The following ZMAT4 variants were observed in gnomAD, a reference collection of about 807,000 sequenced individuals.
ZMAT4 encodes zinc finger matrin-type 4, also known as zinc finger matrin-type protein 4.
A neutral mutation model predicts 28.7 loss-of-function variants in ZMAT4; 17 were observed. The ratio of observed to expected loss-of-function variants is 0.59; its 90% CI spans 0.41 to 0.89. The LOEUF (loss-of-function observed/expected upper bound fraction) is 0.89, where lower values mean the gene tolerates loss of function less well. Ranked by LOEUF, ZMAT4 falls within the 40% of genes least tolerant of loss-of-function variation. ZMAT4 has a pLI of 0.00. For synonymous variants in ZMAT4, 117 were observed against 109.2 expected, an observed-to-expected ratio of 1.07 and a Z score of -0.44; for missense variants, 240 against 283.8, an observed-to-expected ratio of 0.85 and a Z score of 1.11.
intron 1 of ZMAT4, among the ~76,000 whole-genome samples, chr8:40,834,824 G>T (rs914641823): frequency 1.3e-5 from 2 of 152,220 alleles, no homozygotes; most frequent in African/African-American, 4.8e-5. Context: ...CTAACAGGGA[G>T]ACCAGGGATC....
intron 1 of ZMAT4, among the ~76,000 whole-genome samples, chr8:40,858,678 C>A (rs942608208): frequency 1.3e-5 from 2 of 152,136 alleles, no homozygotes; most frequent in African/African-American, 4.8e-5. Flanking sequence ...CCATACCCCT[C>A]GGTTCACAGG....
At chr8:40,575,017 T>G (rs1418285935) in intron 6 of ZMAT4, among the ~76,000 whole-genome samples, 1 of 152,198 alleles carries the variant, frequency 6.6e-6, no homozygotes, top group Non-Finnish European at 1.5e-5. Flanking sequence ...GGGGAGCTGA[T>G]AGCCACTGTG....
intron 2 of ZMAT4, among the ~76,000 whole-genome samples, chr8:40,780,848 T>C (rs563419125): frequency 6.6e-6 from 1 of 152,248 alleles, no homozygotes; most frequent in Non-Finnish European, 1.5e-5. Context: ...CACCCTCTCA[T>C]GACAAAAACA....
intron 3 of ZMAT4, 107 bp from the exon 4 acceptor site, chr8:40,697,508 C>A: frequency 8.6e-7 from 1 of 1,164,054 alleles, no homozygotes; most frequent in Non-Finnish European, 1.1e-6. Flanking sequence ...AGTTTTTGTT[C>A]TGCAAGCTGT....
rs1306347966 is a variant in ZMAT4 at position 40,712,590 on chromosome 8, C to T, written c.193-15189G>A. 2.0e-5 allele frequency among the ~76,000 whole-genome samples: 3 copies of T among 152,218 alleles called. No individual in the cohort carries two copies. In the East Asian group the frequency reaches 5.8e-4, roughly 29 times the overall value. ...GTCAGGGTGGGGAAGGCAGTTAGTA[C>T]ATTGCATGCTGGTGAATGCAGCTCC... is the stretch of plus-strand genomic sequence containing the variant. On this transcript the variant is annotated intron_variant, in intron 3 of 6. Transcript: ENST00000297737.
At chr8:40,726,088 A>G (rs988802259) in intron 3 of ZMAT4, among the ~76,000 whole-genome samples, 2 of 152,232 alleles carry the variant, frequency 1.3e-5, no homozygotes, top group African/African-American at 4.8e-5. Context: ...ATTAGATCTC[A>G]GAGTATGCTG....
intron 6 of ZMAT4, among the ~76,000 whole-genome samples, chr8:40,549,249 A>G (rs1343029809): frequency 1.3e-5 from 2 of 152,164 alleles, no homozygotes; most frequent in African/African-American, 4.8e-5. Context: ...TCTGTTCTTT[A>G]TAAATTACCC....
At chr8:40,831,599 G>A (rs1281282877) in intron 1 of ZMAT4, among the ~76,000 whole-genome samples, 1 of 152,102 alleles carries the variant, frequency 6.6e-6, no homozygotes, top group African/African-American at 2.4e-5. Flanking sequence ...TACAGATTTG[G>A]GCTATTTCCC....
At chr8:40,671,983 A>G (rs1808691600) in intron 5 of ZMAT4, among the ~76,000 whole-genome samples, 1 of 152,320 alleles carries the variant, frequency 6.6e-6, no homozygotes, top group South Asian at 2.1e-4. Context: ...TTGAGTAACT[A>G]TTATGTGTCT....
chr8:40,833,167 C>T (rs148661276), intron 1 of ZMAT4, among the ~76,000 whole-genome samples: 1 of 152,144 alleles, frequency 6.6e-6, no homozygotes, highest in Non-Finnish European at 1.5e-5. Context: ...CTGTCCTGTC[C>T]CCATCACACC....
chr8:40,844,588 C>G (rs371176450), intron 1 of ZMAT4, among the ~76,000 whole-genome samples: 6 of 152,036 alleles, frequency 3.9e-5, no homozygotes, highest in East Asian at 1.9e-4. Flanking sequence ...TGAAATAAAT[C>G]TCATATATGT....
At chr8:40,837,821 G>A (rs1270141919) in intron 1 of ZMAT4, among the ~76,000 whole-genome samples, 1 of 152,202 alleles carries the variant, frequency 6.6e-6, no homozygotes, top group African/African-American at 2.4e-5. Context: ...TACACGGGCT[G>A]GGAGCATCTT....
chr8:40,725,913 C>A (rs1228553086), intron 3 of ZMAT4, among the ~76,000 whole-genome samples: 10 of 151,992 alleles, frequency 6.6e-5, no homozygotes, highest in Non-Finnish European at 1.5e-4. Context: ...ATGTGCTGTG[C>A]ACATTTGCAT....
intron 5 of ZMAT4, among the ~76,000 whole-genome samples, chr8:40,619,264 G>T (rs1303923432): frequency 6.6e-6 from 1 of 152,154 alleles, no homozygotes; most frequent in Non-Finnish European, 1.5e-5. Flanking sequence ...AAATATGGGT[G>T]GAGCTCCAAC....
chr8:40,761,020 A>C (rs1812916132), intron 3 of ZMAT4, among the ~76,000 whole-genome samples: 1 of 150,490 alleles, frequency 6.6e-6, no homozygotes, highest in Non-Finnish European at 1.5e-5. Context: ...AAGCTGAAGA[A>C]GAGAAAAGAA....
intron 1 of ZMAT4, among the ~76,000 whole-genome samples, chr8:40,825,919 G>C (rs1816021892): frequency 1.3e-5 from 2 of 152,184 alleles, no homozygotes; most frequent in South Asian, 4.1e-4. Context: ...TCCAGCTATA[G>C]TTTTTCTGTT....
At chr8:40,727,835 T>C (rs1811373737) in intron 3 of ZMAT4, among the ~76,000 whole-genome samples, 1 of 152,156 alleles carries the variant, frequency 6.6e-6, no homozygotes, top group African/African-American at 2.4e-5. Flanking sequence ...CCCTTCAAGG[T>C]CTGAGATACA....
At chr8:40,749,357 A>G (rs1314397931) in intron 3 of ZMAT4, among the ~76,000 whole-genome samples, 1 of 152,208 alleles carries the variant, frequency 6.6e-6, no homozygotes, top group East Asian at 1.9e-4. Context: ...TAAAATTTTT[A>G]GATGAAGAAA....
chr8:40,718,059 C>T (rs1335653941), intron 3 of ZMAT4, among the ~76,000 whole-genome samples: 1 of 152,206 alleles, frequency 6.6e-6, no homozygotes, highest in Non-Finnish European at 1.5e-5. Context: ...GTTTCAGGAT[C>T]CAATCCAGGA....
Sources: gnomAD v4.1 joint callset for allele counts (sites outside exome capture counted in the v4.1 genomes callset) on GRCh38, gnomAD v4.1.1 for gene constraint, MANE v1.5 for transcripts, NCBI Gene and HGNC (gene_info 2026-07-23, HGNC 2026-07-21) for gene names.